Variants in MACROD2 observed in about 807,000 individuals in gnomAD.
The protein encoded by MACROD2 is mono-ADP ribosylhydrolase 2.
In MACROD2, 36 loss-of-function variants were observed where a neutral mutation model predicts 70.4. The observed-to-expected ratio is 0.51, with a 90% CI of 0.39 to 0.68. The LOEUF is 0.68. MACROD2 is among the 30% of genes least tolerant of loss of function. MACROD2 has a pLI of 0.00. For synonymous variants in MACROD2, 172 were observed against 178.8 expected, an observed-to-expected ratio of 0.96 and a Z score of 0.30; for missense variants, 496 against 538.4, an observed-to-expected ratio of 0.92 and a Z score of 0.78.
At chr20:15,844,964 G>C (rs1028105311) in intron 8 of MACROD2, among the ~76,000 whole-genome samples, 1 of 152,000 alleles carries the variant, frequency 6.6e-6, no homozygotes, top group Non-Finnish European at 1.5e-5. Context: ...ACATTAAACT[G>C]TAATTGACAA....
chr20:15,081,028 C>A (rs1050162412), intron 5 of MACROD2, among the ~76,000 whole-genome samples: 5 of 152,022 alleles, frequency 3.3e-5, no homozygotes, highest in African/African-American at 9.7e-5. Flanking sequence ...ACATAAGCTC[C>A]CAGAGGCCAG....
At chr20:15,602,193 C>T (rs1042269757) in intron 8 of MACROD2, among the ~76,000 whole-genome samples, 6 of 152,182 alleles carry the variant, frequency 3.9e-5, no homozygotes, top group African/African-American at 9.7e-5. Context: ...AGCCTCTATA[C>T]GGATTGACTT....
intron 8 of MACROD2, among the ~76,000 whole-genome samples, chr20:15,720,387 A>G (rs936426141): frequency 1.3e-5 from 2 of 152,186 alleles, no homozygotes; most frequent in African/African-American, 4.8e-5. Flanking sequence ...TATTTCCCAT[A>G]ATGGCTATAT....
intron 12 of MACROD2, among the ~76,000 whole-genome samples, chr20:15,962,280 A>G (rs748791498): frequency 6.6e-6 from 1 of 152,236 alleles, no homozygotes; most frequent in Non-Finnish European, 1.5e-5. Context: ...GAACAAAGAG[A>G]TAATTTGAGC....
chr20:14,613,232 T>C (rs1035432678), intron 4 of MACROD2, among the ~76,000 whole-genome samples: 3 of 152,170 alleles, frequency 2.0e-5, no homozygotes, highest in African/African-American at 7.2e-5. Flanking sequence ...GATACATGAA[T>C]GTATATGAGA....
At chr20:14,785,196 C>CA (rs2072353369) in intron 5 of MACROD2, among the ~76,000 whole-genome samples, 1 of 151,940 alleles carries the variant, frequency 6.6e-6, no homozygotes, top group Non-Finnish European at 1.5e-5. Context: ...CCCACACACA[C>CA]ACGCATGCAC....
intron 10 of MACROD2, among the ~76,000 whole-genome samples, chr20:15,891,577 G>C (rs2064890182): frequency 6.6e-6 from 1 of 152,160 alleles, no homozygotes; most frequent in Admixed American, 6.5e-5. Flanking sequence ...GATTCCAAAG[G>C]TTGAACACAG....
At chr20:15,267,700 C>G (rs1230545038) in intron 6 of MACROD2, among the ~76,000 whole-genome samples, 2 of 152,114 alleles carry the variant, frequency 1.3e-5, no homozygotes, top group Non-Finnish European at 2.9e-5. Context: ...AGAAAACTGT[C>G]TCACTGAGAC....
chr20:14,065,297 CA>C (rs1177586753), intron 2 of MACROD2, among the ~76,000 whole-genome samples: 1 of 152,204 alleles, frequency 6.6e-6, no homozygotes, highest in Non-Finnish European at 1.5e-5. Flanking sequence ...GTCTCTCTCG[CA>C]ATTTCTTTGA....
At chr20:15,828,772 G>A (rs1251868348) in intron 8 of MACROD2, among the ~76,000 whole-genome samples, 3 of 152,174 alleles carry the variant, frequency 2.0e-5, no homozygotes, top group Non-Finnish European at 2.9e-5. Flanking sequence ...TCAGCAACAC[G>A]CTGCTTATAC....
At chr20:15,509,036 T>C (rs969770504) in intron 8 of MACROD2, among the ~76,000 whole-genome samples, 9 of 152,286 alleles carry the variant, frequency 5.9e-5, no homozygotes, top group Middle Eastern at 3.4e-3. Context: ...TGGAGGGTTA[T>C]TTTTTTCAAA....
At chr20:14,592,956 G>T (rs1981876320) in intron 4 of MACROD2, among the ~76,000 whole-genome samples, 1 of 152,098 alleles carries the variant, frequency 6.6e-6, no homozygotes, top group Non-Finnish European at 1.5e-5. Context: ...GTTACAATCA[G>T]TATTACTCAA....
At position 15,295,278 on chromosome 20, in the gene MACROD2, C is replaced by T. The variant is rs898629965; in HGVS notation, c.540+65217C>T. On this transcript the variant is annotated intron_variant, in intron 6 of 17. Coordinates refer to ENST00000684519, the MANE Select transcript of MACROD2 (RefSeq NM_001351661.2). Reference sequence around the variant, plus strand: ...TAAACCTCTTTTTCTTTAGAAATCTCCCAGTCTCGGGTATTTCTTCATATC... The same window carrying T: ...TAAACCTCTTTTTCTTTAGAAATCTTCCAGTCTCGGGTATTTCTTCATATC... Among the ~76,000 whole-genome samples, 3 of 152,172 alleles carry T rather than the reference C, an allele frequency of 2.0e-5. No homozygotes were observed. The East Asian group carries it at 5.8e-4, about 29-fold the overall frequency.
intron 5 of MACROD2, among the ~76,000 whole-genome samples, chr20:15,152,661 G>C (rs1243045091): frequency 6.6e-6 from 1 of 151,672 alleles, no homozygotes; most frequent in African/African-American, 2.4e-5. Flanking sequence ...GAAGGGGTTG[G>C]GGTTCTTGCC....
At chr20:15,868,872 C>T (rs988452864) in intron 9 of MACROD2, among the ~76,000 whole-genome samples, 4 of 151,990 alleles carry the variant, frequency 2.6e-5, no homozygotes, top group Admixed American at 6.6e-5. Flanking sequence ...CAGCCTCGAA[C>T]TTCTGGGGCT....
chr20:15,512,637 G>A (rs552524468), intron 8 of MACROD2, among the ~76,000 whole-genome samples: 1 of 152,328 alleles, frequency 6.6e-6, no homozygotes, highest in East Asian at 1.9e-4. Context: ...ATAGCGGCAA[G>A]AGATGATTTT....
intron 3 of MACROD2, among the ~76,000 whole-genome samples, chr20:14,463,932 T>A (rs2084405212): frequency 6.6e-6 from 1 of 152,036 alleles, no homozygotes; most frequent in South Asian, 2.1e-4. Context: ...TGGGTTTGGT[T>A]TGCCAGTATT....
chr20:15,180,820 A>G (rs1200950744), intron 5 of MACROD2, among the ~76,000 whole-genome samples: 1 of 152,194 alleles, frequency 6.6e-6, no homozygotes, highest in East Asian at 1.9e-4. Context: ...ACACCTCAAA[A>G]TGGACAGCAT....
chr20:14,324,787 AT>A, intron 3 of MACROD2: 1 of 152,144 alleles, frequency 6.6e-6, no homozygotes, highest in Non-Finnish European at 1.5e-5. Flanking sequence ...CTAAGTACAC[AT>A]TTTCCCCCCA....
Sources: gnomAD v4.1 joint callset for allele counts (sites outside exome capture counted in the v4.1 genomes callset) on GRCh38, gnomAD v4.1.1 for gene constraint, MANE v1.5 for transcripts, NCBI Gene and HGNC (gene_info 2026-07-23, HGNC 2026-07-21) for gene names.